FBN1: variants seen among roughly 807,000 people sequenced by gnomAD.
FBN1 encodes fibrillin 1.
Under a neutral mutation model 365.1 loss-of-function variants are expected in FBN1, and 29 were observed. The observed-to-expected ratio is 0.08, with a 90% confidence interval of 0.06 to 0.11. The LOEUF is 0.11. Ranked by LOEUF, FBN1 falls within the 10% of genes least tolerant of loss-of-function variation. FBN1 has a pLI of 1.00. For synonymous variants in FBN1, 1,210 were observed against 1,270.5 expected (o/e 0.95, Z 1.01); for missense variants, 2,476 against 3,703.2 (o/e 0.67, Z 8.60).
At chr15:48,477,573 G>A (rs2043430491) in intron 32 of FBN1, among the ~76,000 whole-genome samples, 1 of 152,158 alleles carries the variant, frequency 6.6e-6, no homozygotes, top group Non-Finnish European at 1.5e-5. Flanking sequence ...TTCTGTGGCA[G>A]ACTTGGACTG....
Position 48,438,215 on chromosome 15 carries a change from C to T in FBN1, c.6164-298G>A, listed in dbSNP as rs75690169. Among the ~76,000 whole-genome samples, 3,305 of 152,288 alleles carry T rather than the reference C, an allele frequency of 0.022. 69 individuals are homozygous for T. Among genetic ancestry groups the T allele is most frequent in the East Asian group, 0.083 (430 of 5,180 alleles). ...AATCCAAAACTGACAGTTTTCAAAA[C>T]TGACATCTGTCAGTGACTTCAGGAT... On this transcript the variant is annotated intron_variant, in intron 50 of 65. Coordinates refer to ENST00000316623, the MANE Select transcript of FBN1 (RefSeq NM_000138.5).
intron 20 of FBN1, 117 bp from the exon 21 acceptor site, chr15:48,495,705 C>T: frequency 1.5e-6 from 2 of 1,349,986 alleles, no homozygotes; most frequent in Non-Finnish European, 1.1e-6. Context: ...TAAAGCTGGG[C>T]TAAATAGTTT....
intron 2 of FBN1, among the ~76,000 whole-genome samples, chr15:48,623,968 A>AACACACACAC (rs145521473): frequency 0.043 from 6,293 of 146,410 alleles, 170 homozygotes; most frequent in Middle Eastern, 0.14. Flanking sequence ...CAAAGACACA[A>AACACACACAC]ACACACACAC....
chr15:48,491,885 G>A (rs972732089), intron 24 of FBN1, among the ~76,000 whole-genome samples: 1 of 152,164 alleles, frequency 6.6e-6, no homozygotes, highest in Non-Finnish European at 1.5e-5. Flanking sequence ...GAGCCCATAG[G>A]GACTTAGGAC....
chr15:48,494,388 G>A, intron 22 of FBN1, 134 bp from the exon 23 acceptor site: 2 of 720,790 alleles, frequency 2.8e-6, no homozygotes, highest in Non-Finnish European at 4.9e-6. Flanking sequence ...CTATAAGTAT[G>A]AGATAACAAA....
chr15:48,633,296 C>G (rs1400572361), intron 2 of FBN1, among the ~76,000 whole-genome samples: 1 of 152,046 alleles, frequency 6.6e-6, no homozygotes, highest in African/African-American at 2.4e-5. Flanking sequence ...TTTTTTCTTT[C>G]TTTAGCATGT....
chr15:48,494,073 G>C, intron 23 of FBN1, 131 bp downstream of exon 23: 1 of 742,410 alleles, frequency 1.3e-6, no homozygotes. Flanking sequence ...CCGTTTTGTA[G>C]TTCTCATTAT....
intron 2 of FBN1, among the ~76,000 whole-genome samples, chr15:48,616,009 C>G (rs754071529): frequency 6.6e-6 from 1 of 152,208 alleles, no homozygotes; most frequent in Non-Finnish European, 1.5e-5. Flanking sequence ...AAAATATACG[C>G]TCTTCTATTT....
At position 48,425,797 on chromosome 15, in the gene FBN1, T is replaced by C. The variant is rs1259699671; in HGVS notation, c.7272A>G (p.Ser2424=). 1.2e-6 allele frequency: 2 copies of C among 1,609,714 alleles called. No homozygotes were observed. The highest frequency in any genetic ancestry group is 1.7e-6 in the Non-Finnish European group (2 of 1,176,096). The change falls in exon 59 of 66, where the codon TCA becomes TCG. Residue 2424 remains serine (S), a synonymous_variant. Transcript: ENST00000316623. ...ACCCAGTTTTACAAATGCAATGATA[T>C]GATCCTCTGTCATTGACACATTCCC... ...RNGECVNDRG[S]YHCICKTGYT... is the part of the protein sequence containing the mutation.
chr15:48,522,458 G>T (rs895071616), intron 9 of FBN1, among the ~76,000 whole-genome samples: 1 of 152,002 alleles, frequency 6.6e-6, no homozygotes, highest in Non-Finnish European at 1.5e-5. Flanking sequence ...CTAGTCCCTT[G>T]TGCCAAAAAG....
At position 48,508,713 on chromosome 15, in the gene FBN1, A is replaced by G. The variant is rs1057520813; in HGVS notation, c.1715-9T>C. The G allele has an allele frequency of 6.2e-7, 1 of 1,613,452 alleles. No homozygotes were observed. Among genetic ancestry groups the G allele is most frequent in the East Asian group, 2.2e-5 (1 of 44,864 alleles). ...GCTGCATTCATCCATATCTGAAAAT[A>G]CAAAACATACATTTTCTTATGACCA... On this transcript the variant is annotated splice_polypyrimidine_tract_variant and intron_variant, in intron 14 of 65. Coordinates refer to ENST00000316623, the MANE Select transcript of FBN1 (RefSeq NM_000138.5).
intron 6 of FBN1, among the ~76,000 whole-genome samples, chr15:48,543,057 A>C (rs1250815730): frequency 6.6e-6 from 1 of 151,796 alleles, no homozygotes; most frequent in African/African-American, 2.4e-5. Context: ...TGCTGCACTG[A>C]TTATGAGGCA....
At position 48,637,975 on chromosome 15, in the gene FBN1, T is replaced by G. The variant is rs527553459; in HGVS notation, c.164+6631A>C. 6.6e-5 allele frequency among the ~76,000 whole-genome samples: 10 copies of G among 152,216 alleles called. No homozygotes were observed. In the East Asian group the frequency reaches 1.9e-3, roughly 29 times the overall value. On this transcript the variant is annotated intron_variant, in intron 2 of 65. Transcript: ENST00000316623. ...GTAAATAAACAGGCATGGATTTGTT[T>G]CAATAAAACTCTATTTTCAAAAAAA...
chr15:48,576,144 C>T (rs1016653429), intron 6 of FBN1, among the ~76,000 whole-genome samples: 2 of 152,174 alleles, frequency 1.3e-5, no homozygotes, highest in African/African-American at 4.8e-5. Context: ...TGAAATGACT[C>T]TCCATTTAAC....
chr15:48,603,327 G>A (rs1048119602), intron 4 of FBN1, among the ~76,000 whole-genome samples: 1 of 152,054 alleles, frequency 6.6e-6, no homozygotes, highest in African/African-American at 2.4e-5. Context: ...ACAGGTAATA[G>A]GCTCTGAATC....
At chr15:48,596,644 G>A (rs1047082712) in intron 5 of FBN1, among the ~76,000 whole-genome samples, 3 of 152,204 alleles carry the variant, frequency 2.0e-5, no homozygotes, top group Non-Finnish European at 4.4e-5. Flanking sequence ...GTTTAACCTC[G>A]AAAACAGTGG....
At chr15:48,630,416 T>A (rs1889962541) in intron 2 of FBN1, among the ~76,000 whole-genome samples, 2 of 152,192 alleles carry the variant, frequency 1.3e-5, no homozygotes, top group African/African-American at 4.8e-5. Context: ...AACAACCTAT[T>A]TTCAAGGAAG....
chr15:48,575,508 C>A (rs569851764), intron 6 of FBN1, among the ~76,000 whole-genome samples: 1 of 152,266 alleles, frequency 6.6e-6, no homozygotes, highest in South Asian at 2.1e-4. Context: ...TACCTTCTCA[C>A]CTTTGGTAGT....
At chr15:48,445,140 A>T (rs1198269346) in intron 48 of FBN1, among the ~76,000 whole-genome samples, 1 of 141,066 alleles carries the variant, frequency 7.1e-6, no homozygotes. Flanking sequence ...ATATATACAC[A>T]CACACATATA....
Sources: gnomAD v4.1 joint callset for allele counts (sites outside exome capture counted in the v4.1 genomes callset) on GRCh38, gnomAD v4.1.1 for gene constraint, MANE v1.5 for transcripts, NCBI Gene and HGNC (gene_info 2026-07-23, HGNC 2026-07-21) for gene names.